The following SEPTIN9 variants were observed in gnomAD, a reference collection of about 807,000 sequenced individuals.
SEPTIN9 encodes the protein septin-9.
A neutral mutation model predicts 56.6 loss-of-function variants in SEPTIN9; 13 were observed. The observed-to-expected ratio is 0.23, with a 90% CI of 0.15 to 0.37. The LOEUF is 0.37. SEPTIN9 is among the 10% of genes least tolerant of loss of function. The pLI is 1.00. For missense variants in SEPTIN9, 650 were observed against 823.1 expected (o/e 0.79, Z 2.57); for synonymous variants, 332 against 334.1 (o/e 0.99, Z 0.07).
chr17:77,445,583 C>G lies in SEPTIN9; in HGVS notation c.722-36561C>G. On this transcript the variant is annotated intron_variant, in intron 3 of 11. Coordinates refer to ENST00000427177, the MANE Select transcript of SEPTIN9 (RefSeq NM_001113491.2). The surrounding 1 kb of genome is among the most constrained non-coding windows in gnomAD (Gnocchi z 4.7). The stretch of plus-strand genomic sequence containing the variant: ...TAGGGAGGAAGCTGTGAAACCACAT[C>G]CCCTCCTCTCTGCTGCTGTGTTGCT... 1 of 378,036 alleles carries G rather than the reference C, an allele frequency of 2.6e-6. No individual in the cohort carries two copies. Among genetic ancestry groups the G allele is most frequent in the Non-Finnish European group, 5.5e-6 (1 of 181,828 alleles). The allele number at this position is 378,036 out of a possible 1,614,324, so 23.4% of individuals were successfully genotyped here.
In SEPTIN9 at chr17:77,425,441, T is replaced by C. The variant is rs1420107577; in HGVS notation, c.721+22738T>C. On this transcript the variant is annotated intron_variant, in intron 3 of 11. Transcript: ENST00000427177. The surrounding 1 kb of genome is among the most constrained non-coding windows in gnomAD (Gnocchi z 4.2). ...CCCCAGGGTGAAGCCCACCCGAGTGTCACTCTGGATACAGCCCTCACCTCT... is the reference window on the plus strand; with the variant it reads ...CCCCAGGGTGAAGCCCACCCGAGTGCCACTCTGGATACAGCCCTCACCTCT... Among the ~76,000 whole-genome samples, 1 of 152,104 alleles carries C rather than the reference T, an allele frequency of 6.6e-6. No individual in the cohort carries two copies.
intron 2 of SEPTIN9, among the ~76,000 whole-genome samples, chr17:77,390,533 G>C (rs2035503583): frequency 7.1e-6 from 1 of 140,800 alleles, no homozygotes; most frequent in Non-Finnish European, 1.5e-5. Context: ...CTCGCTGCAA[G>C]CTCCGCCTCC....
chr17:77,361,603 C>G (rs1245133817), intron 2 of SEPTIN9, among the ~76,000 whole-genome samples: 1 of 151,788 alleles, frequency 6.6e-6, no homozygotes, highest in Non-Finnish European at 1.5e-5. Context: ...CTAGCTTATT[C>G]ATAATCGAGT....
intron 1 of SEPTIN9, among the ~76,000 whole-genome samples, chr17:77,291,791 G>T (rs1455248734): frequency 6.6e-6 from 1 of 152,108 alleles, no homozygotes; most frequent in Non-Finnish European, 1.5e-5. Context: ...ACTTGCTTTG[G>T]CTGCCTTTCT....
At chr17:77,370,538 G>A (rs98229) in intron 2 of SEPTIN9, among the ~76,000 whole-genome samples, 65,112 of 152,056 alleles carry the variant, frequency 0.43, 14,923 homozygotes, top group East Asian at 0.92. Flanking sequence ...GGGGATCACC[G>A]GCCCACTGTA....
At chr17:77,419,098 T>C (rs1374732380) in intron 3 of SEPTIN9, among the ~76,000 whole-genome samples, 1 of 152,232 alleles carries the variant, frequency 6.6e-6, no homozygotes, top group Admixed American at 6.5e-5. Flanking sequence ...GAAACTTTCC[T>C]GCCTCTCCTT....
At position 77,488,336 on chromosome 17, in the gene SEPTIN9, G is replaced by C. The variant is rs761087088; in HGVS notation, c.1124+15G>C. The stretch of plus-strand genomic sequence containing the variant: ...AACGAGAACTGGTGAGGCCCCTCCA[G>C]GGGGAGGAGCACTAGCGGGGGCTTC... On this transcript the variant is annotated intron_variant, in intron 6 of 11. Coordinates refer to ENST00000427177, the MANE Select transcript of SEPTIN9 (RefSeq NM_001113491.2). 6.2e-7 allele frequency: 1 copy of C among 1,608,732 alleles called. No individual in the cohort carries two copies. Among genetic ancestry groups the C allele is most frequent in the African/African-American group, 1.3e-5 (1 of 74,812 alleles).
At chr17:77,401,967 C>A in intron 2 of SEPTIN9, 92 bp from the exon 3 acceptor site, 1 of 1,386,830 alleles carries the variant, frequency 7.2e-7, no homozygotes, top group Admixed American at 2.1e-5. Context: ...GCCGCATCGC[C>A]TGCCTTCCTC....
At chr17:77,291,677 G>A (rs1042770225) in intron 1 of SEPTIN9, among the ~76,000 whole-genome samples, 7 of 152,024 alleles carry the variant, frequency 4.6e-5, no homozygotes, top group Non-Finnish European at 4.4e-5. Context: ...GTCTTGTTTT[G>A]TTGTTGCCTA....
chr17:77,294,147 G>A (rs1020858688), intron 1 of SEPTIN9, among the ~76,000 whole-genome samples: 2 of 151,030 alleles, frequency 1.3e-5, no homozygotes, highest in African/African-American at 4.9e-5. Context: ...GGCTGGGCGT[G>A]GTGGCTCACG....
chr17:77,454,693 G>A lies in SEPTIN9; in HGVS notation c.722-27451G>A, dbSNP rs561849411. On this transcript the variant is annotated intron_variant, in intron 3 of 11. Coordinates refer to ENST00000427177, the MANE Select transcript of SEPTIN9 (RefSeq NM_001113491.2). ...GAGTTGGCTGTTCAAACTCGCCGCC[G>A]CTCAGCCTCTTCCTCCTCTCTTTCA... Among the ~76,000 whole-genome samples, 8 of 152,308 alleles carry A rather than the reference G, an allele frequency of 5.3e-5. No individual in the cohort carries two copies. In the East Asian group the frequency reaches 1.4e-3, roughly 26 times the overall value.
At chr17:77,418,558 G>C (rs557831157) in intron 3 of SEPTIN9, among the ~76,000 whole-genome samples, 1 of 152,252 alleles carries the variant, frequency 6.6e-6, no homozygotes, top group East Asian at 1.9e-4. Context: ...GGCCAGGCTG[G>C]TCTTGAACTC....
At chr17:77,377,870 G>A (rs1016634840) in intron 2 of SEPTIN9, among the ~76,000 whole-genome samples, 1 of 152,186 alleles carries the variant, frequency 6.6e-6, no homozygotes, top group Admixed American at 6.5e-5. Context: ...TGTGAATACT[G>A]CCTCTCTGCA....
chr17:77,403,350 C>T (rs2035966395), intron 3 of SEPTIN9, among the ~76,000 whole-genome samples: 1 of 152,198 alleles, frequency 6.6e-6, no homozygotes, highest in African/African-American at 2.4e-5. Flanking sequence ...GGTGCCTGGA[C>T]CAGGGGGCTG....
intron 3 of SEPTIN9, among the ~76,000 whole-genome samples, chr17:77,419,600 G>A (rs1437025311): frequency 6.6e-6 from 1 of 152,208 alleles, no homozygotes; most frequent in African/African-American, 2.4e-5. Context: ...GAGGGGCTGT[G>A]GCTTCCACTC....
intron 2 of SEPTIN9, among the ~76,000 whole-genome samples, chr17:77,315,979 G>A (rs1194730825): frequency 3.9e-5 from 6 of 152,318 alleles, no homozygotes; most frequent in Admixed American, 6.5e-5. Context: ...TCCCAAAGCC[G>A]TGGGCCTGAG....
In SEPTIN9 at chr17:77,319,085, GC is replaced by G. The variant is rs1045747416; in HGVS notation, c.76+11890del. ...ACAGTCTGGAGTTTTCAGAGAGATTGCCTGAGTTCTCAGCCTTGGCACAAAC... is the reference window on the plus strand; with the variant it reads ...ACAGTCTGGAGTTTTCAGAGAGATTGCTGAGTTCTCAGCCTTGGCACAAAC... On this transcript the variant is annotated intron_variant, in intron 2 of 11. Coordinates refer to ENST00000427177, the MANE Select transcript of SEPTIN9 (RefSeq NM_001113491.2). This position sits in a 1 kb window ranked among gnomAD's most constrained non-coding sequence, Gnocchi z 5.3. Among the ~76,000 whole-genome samples the G allele has an allele frequency of 2.0e-5, 3 of 152,206 alleles. No homozygotes were observed. Among genetic ancestry groups the G allele is most frequent in the African/African-American group, 7.2e-5 (3 of 41,442 alleles).
rs2039881696 is a variant in SEPTIN9 at position 77,488,334 on chromosome 17, CA to C, written c.1124+14del. On this transcript the variant is annotated intron_variant, in intron 6 of 11. Coordinates refer to ENST00000427177, the MANE Select transcript of SEPTIN9 (RefSeq NM_001113491.2). Reference sequence around the variant, plus strand: ...ACAACGAGAACTGGTGAGGCCCCTCCAGGGGGAGGAGCACTAGCGGGGGCTT... The same window carrying C: ...ACAACGAGAACTGGTGAGGCCCCTCCGGGGGAGGAGCACTAGCGGGGGCTT... 4.3e-6 allele frequency: 7 copies of C among 1,609,978 alleles called. No individual in the cohort carries two copies. Among genetic ancestry groups the C allele is most frequent in the Non-Finnish European group, 5.9e-6 (7 of 1,176,708 alleles).
chr17:77,380,501 C>T (rs2143963331), intron 2 of SEPTIN9, among the ~76,000 whole-genome samples: 1 of 152,198 alleles, frequency 6.6e-6, no homozygotes, highest in East Asian at 1.9e-4. Context: ...TGTCCAATAT[C>T]CAGAAAATCA....
Sources: allele counts gnomAD v4.1 joint callset (sites outside exome capture counted in the v4.1 genomes callset), GRCh38; gene constraint gnomAD v4.1.1; non-coding constraint Gnocchi (gnomAD v3.1); transcripts MANE v1.5; gene names NCBI Gene and HGNC (gene_info 2026-07-23, HGNC 2026-07-21).